The following PPP2R2B variants were observed in gnomAD, a reference collection of about 807,000 sequenced individuals.
PPP2R2B encodes the protein serine/threonine-protein phosphatase 2A 55 kDa regulatory subunit B beta isoform.
In PPP2R2B, 5 loss-of-function variants were observed where a neutral mutation model predicts 46.0. The ratio of observed to expected loss-of-function variants is 0.11; its 90% CI spans 0.06 to 0.23. PPP2R2B has a LOEUF of 0.23. PPP2R2B is among the 10% of genes least tolerant of loss of function. The pLI, the probability that PPP2R2B is intolerant of heterozygous loss-of-function variation, is 1.00. For missense variants in PPP2R2B, 367 were observed against 575.0 expected (o/e 0.64, Z 3.70); for synonymous variants, 215 against 206.7 (o/e 1.04, Z -0.34).
Position 146,810,797 on chromosome 5 carries a change from A to G in PPP2R2B, c.70+67205T>C, listed in dbSNP as rs372289889. Among the ~76,000 whole-genome samples the G allele has an allele frequency of 2.5e-4, 38 of 151,958 alleles. 1 individual carries two copies. In the East Asian group the frequency reaches 7.0e-3, roughly 28 times the overall value. ...GTGTGGGTTTGTTACATATGTATAC[A>G]TGTGCCATGTTGGTGTGCTGCACCC... On this transcript the variant is annotated intron_variant, in intron 2 of 9. Transcript: ENST00000394411.
chr5:146,703,556 T>C (rs776251546), intron 2 of PPP2R2B, among the ~76,000 whole-genome samples: 32 of 151,962 alleles, frequency 2.1e-4, no homozygotes, highest in Non-Finnish European at 4.6e-4. Flanking sequence ...CAGAAGAGAG[T>C]TAAGTAGCTT....
intron 1 of PPP2R2B, among the ~76,000 whole-genome samples, chr5:146,963,472 T>A (rs567347781): frequency 6.6e-6 from 1 of 152,348 alleles, no homozygotes; most frequent in Admixed American, 6.5e-5. Flanking sequence ...TCCAGGTTAG[T>A]CCTCCACTCA....
intron 1 of PPP2R2B, among the ~76,000 whole-genome samples, chr5:146,998,749 G>A (rs13162831): frequency 0.48 from 72,851 of 151,844 alleles, 18,890 homozygotes; most frequent in Middle Eastern, 0.6. Flanking sequence ...ACCAGAAATA[G>A]ATTAAAATGA....
At chr5:146,742,852 A>G (rs1224777827) in intron 2 of PPP2R2B, among the ~76,000 whole-genome samples, 1 of 152,180 alleles carries the variant, frequency 6.6e-6, no homozygotes, top group African/African-American at 2.4e-5. Flanking sequence ...GCACACAGGG[A>G]GAATAGCACA....
chr5:146,745,149 G>T (rs1753096561), intron 2 of PPP2R2B, among the ~76,000 whole-genome samples: 1 of 135,536 alleles, frequency 7.4e-6, no homozygotes, highest in Non-Finnish European at 1.5e-5. Context: ...TCTAAAACGT[G>T]CAGAGAAAGA....
At chr5:146,791,344 C>A (rs900489242) in intron 2 of PPP2R2B, among the ~76,000 whole-genome samples, 37 of 152,264 alleles carry the variant, frequency 2.4e-4, no homozygotes, top group African/African-American at 8.7e-4. Context: ...GTCGATCCCC[C>A]CTTTTTCTAT....
chr5:146,619,373 C>T (rs1397139214), intron 7 of PPP2R2B, among the ~76,000 whole-genome samples: 1 of 151,768 alleles, frequency 6.6e-6, no homozygotes, highest in Non-Finnish European at 1.5e-5. Flanking sequence ...CCAGCTCCTC[C>T]AGAGGCTGAG....
At chr5:147,077,233 TATA>T (rs1005689610) in intron 2 of PPP2R2B, among the ~76,000 whole-genome samples, 1 of 147,160 alleles carries the variant, frequency 6.8e-6, no homozygotes, top group Non-Finnish European at 1.5e-5. Flanking sequence ...TATGCATAAA[TATA>T]ATATATACAT....
chr5:146,668,354 G>C (rs1486149308), intron 5 of PPP2R2B, among the ~76,000 whole-genome samples: 1 of 152,080 alleles, frequency 6.6e-6, no homozygotes, highest in Non-Finnish European at 1.5e-5. Flanking sequence ...ATTTTATTTT[G>C]TTTGGAATGT....
chr5:146,855,578 A>G (rs1043006888), intron 2 of PPP2R2B, among the ~76,000 whole-genome samples: 5 of 152,098 alleles, frequency 3.3e-5, no homozygotes, highest in African/African-American at 1.2e-4. Context: ...ATGATAAAAT[A>G]TTTATCTAGA....
intron 2 of PPP2R2B, among the ~76,000 whole-genome samples, chr5:146,860,988 C>T (rs1157073136): frequency 6.6e-6 from 1 of 151,490 alleles, no homozygotes; most frequent in Non-Finnish European, 1.5e-5. Context: ...AGGATTCTTG[C>T]TATAGAAGCT....
chr5:146,629,836 T>A lies in PPP2R2B; in HGVS notation c.790+8415A>T, dbSNP rs1467019439. 2.7e-5 allele frequency among the ~76,000 whole-genome samples: 4 copies of A among 149,048 alleles called. No homozygotes were observed. In the East Asian group the frequency reaches 8.3e-4, roughly 31 times the overall value. On this transcript the variant is annotated intron_variant, in intron 7 of 9. Coordinates refer to ENST00000394411, the MANE Select transcript of PPP2R2B (RefSeq NM_181675.4). ...CTCTCCCTCTCCCTCTCCCTTGCCC[T>A]CTCGTCTTGCTCTGTTGCCTAGGCT... is the stretch of plus-strand genomic sequence containing the variant.
intron 2 of PPP2R2B, among the ~76,000 whole-genome samples, chr5:146,790,262 G>A (rs895974230): frequency 6.6e-6 from 1 of 152,182 alleles, no homozygotes; most frequent in African/African-American, 2.4e-5. Context: ...CTGTGGAAGG[G>A]AACTGGGAGA....
At chr5:146,730,101 G>A (rs1052605221) in intron 2 of PPP2R2B, among the ~76,000 whole-genome samples, 1 of 152,204 alleles carries the variant, frequency 6.6e-6, no homozygotes, top group African/African-American at 2.4e-5. Context: ...GGGCAGAGCT[G>A]CCTAAGACTC....
At chr5:147,027,601 C>T (rs574441781) in intron 1 of PPP2R2B, among the ~76,000 whole-genome samples, 79 of 150,220 alleles carry the variant, frequency 5.3e-4, no homozygotes, top group African/African-American at 1.9e-3. Context: ...CCACTGCACC[C>T]CTCCAGCCTG....
At chr5:147,014,953 C>T (rs1052194717) in intron 1 of PPP2R2B, among the ~76,000 whole-genome samples, 1 of 151,830 alleles carries the variant, frequency 6.6e-6, no homozygotes, top group Admixed American at 6.6e-5. Context: ...CAAGATATCT[C>T]ATTATGTATT....
intron 2 of PPP2R2B, among the ~76,000 whole-genome samples, chr5:146,730,101 G>T (rs1052605221): frequency 4.6e-5 from 7 of 152,204 alleles, no homozygotes; most frequent in African/African-American, 1.4e-4. Flanking sequence ...GGGCAGAGCT[G>T]CCTAAGACTC....
At chr5:147,045,406 G>T (rs932069883) in intron 1 of PPP2R2B, among the ~76,000 whole-genome samples, 3 of 152,116 alleles carry the variant, frequency 2.0e-5, no homozygotes, top group Non-Finnish European at 4.4e-5. Context: ...ATGCTGTACA[G>T]GTTTGTAGCC....
At position 146,701,113 on chromosome 5, in the gene PPP2R2B, G is replaced by T; in HGVS notation, c.100C>A (p.His34Asn). 6.2e-7 allele frequency: 1 copy of T among 1,613,918 alleles called. No individual in the cohort carries two copies. The highest frequency in any genetic ancestry group is 8.5e-7 in the Non-Finnish European group (1 of 1,179,834). ...ADIISTVEFN[H>N]TGELLATGDK... ...CCTGTCGCTAGTAATTCTCCCGTGT[G>T]GTTGAATTCTACCGTAGAGATAATG... is the stretch of plus-strand genomic sequence containing the variant. Residue 34 changes from histidine to asparagine, a missense_variant, in exon 3 of 10, where the codon CAC becomes AAC. Around this residue, in one of 2 missense-constraint regions of PPP2R2B, gnomAD observed 361 missense variants for 545.5 expected, o/e 0.66. Transcript: ENST00000394411.
Sources: allele counts gnomAD v4.1 joint callset (sites outside exome capture counted in the v4.1 genomes callset), GRCh38; gene constraint gnomAD v4.1.1; regional missense constraint gnomAD v4.1.1; transcripts MANE v1.5; gene names NCBI Gene and HGNC (gene_info 2026-07-23, HGNC 2026-07-21).